Variants in FGF2 observed in about 807,000 individuals in gnomAD.
FGF2 encodes the protein fibroblast growth factor 2, also known as basic fibroblast growth factor bFGF.
In FGF2, 13 loss-of-function variants were observed where a neutral mutation model predicts 15.9. The observed-to-expected ratio is 0.82, with a 90% CI of 0.53 to 1.30. FGF2 has a LOEUF of 1.30. Among genes scored for constraint, FGF2 ranks in the 50% most tolerant of loss-of-function variants. The probability of loss-of-function intolerance (pLI) is 0.00; values close to 1 mark genes in which losing one functional copy is unlikely to be tolerated. For synonymous variants in FGF2, 90 were observed against 78.4 expected (o/e 1.15, Z -0.78); for missense variants, 163 against 196.9 (o/e 0.83, Z 1.03).
rs1724358272 is a variant in FGF2, at chr4:122,828,249, C to A, written c.178+897C>A. 2.0e-5 allele frequency among the ~76,000 whole-genome samples: 3 copies of A among 152,146 alleles called. No individual in the cohort carries two copies. The South Asian group carries it at 6.2e-4, about 32-fold the overall frequency. ...GGGGGCTGAAGATTTGCATTTCTAACATGTTCCCCGGGGATGCTGATCACA... is the reference window on the plus strand; with the variant it reads ...GGGGGCTGAAGATTTGCATTTCTAAAATGTTCCCCGGGGATGCTGATCACA... On this transcript the variant is annotated intron_variant, in intron 1 of 2. Transcript: ENST00000644866.
intron 2 of FGF2, among the ~76,000 whole-genome samples, chr4:122,889,251 C>A (rs969811506): frequency 6.6e-6 from 1 of 152,040 alleles, no homozygotes; most frequent in Admixed American, 6.6e-5. Context: ...TAAGGGATTT[C>A]TCAGCTCTTA....
intron 1 of FGF2, among the ~76,000 whole-genome samples, chr4:122,841,144 G>C (rs1578453594): frequency 6.6e-6 from 1 of 152,222 alleles, no homozygotes; most frequent in Non-Finnish European, 1.5e-5. Flanking sequence ...TTTTCTTCAA[G>C]AGAGTCTAGA....
intron 1 of FGF2, among the ~76,000 whole-genome samples, chr4:122,849,223 C>T (rs963895822): frequency 6.6e-6 from 1 of 152,104 alleles, no homozygotes; most frequent in African/African-American, 2.4e-5. Context: ...CAATGATAGA[C>T]TAGATAAAGA....
chr4:122,864,960 C>T (rs1040408412), intron 1 of FGF2, among the ~76,000 whole-genome samples: 1 of 152,152 alleles, frequency 6.6e-6, no homozygotes, highest in Non-Finnish European at 1.5e-5. Context: ...TTAAATATCA[C>T]AATGCATGTG....
chr4:122,844,214 A>T (rs994946419), intron 1 of FGF2, among the ~76,000 whole-genome samples: 61 of 152,344 alleles, frequency 4.0e-4, no homozygotes, highest in African/African-American at 1.4e-3. Flanking sequence ...TGTAGATTCT[A>T]TCTCAAGAAA....
intron 1 of FGF2, among the ~76,000 whole-genome samples, chr4:122,844,383 A>AC (rs1002736865): frequency 6.6e-6 from 1 of 151,890 alleles, no homozygotes; most frequent in Non-Finnish European, 1.5e-5. Flanking sequence ...GAAGGTTTGA[A>AC]CCCCCTCAAA....
At position 122,827,011 on chromosome 4, in the gene FGF2, T is replaced by G; in HGVS notation, c.-164T>G. The G allele has an allele frequency of 8.3e-7, 1 of 1,209,936 alleles. No individual in the cohort carries two copies. The highest frequency in any genetic ancestry group is 1.0e-6 in the Non-Finnish European group (1 of 976,192). 75.0% of individuals were successfully genotyped at this position (1,209,936 alleles called of 1,614,324 possible). The stretch of plus-strand genomic sequence containing the variant: ...GAAGAGCGGCCGAGCGGCTCGAGGC[T>G]GGGGGACCGCGGGCGCGGCCGCGCG... On this transcript the variant is annotated 5_prime_UTR_variant, in exon 1 of 3. Coordinates refer to ENST00000644866, the MANE Select transcript of FGF2 (RefSeq NM_001361665.2). This position sits in a 1 kb window ranked among gnomAD's most constrained non-coding sequence, Gnocchi z 4.2.
intron 1 of FGF2, among the ~76,000 whole-genome samples, chr4:122,854,363 G>T (rs1726295111): frequency 6.6e-6 from 1 of 152,170 alleles, no homozygotes. Context: ...GATTGTGTAA[G>T]GAAATGGTAA....
At chr4:122,840,231 G>C (rs932905605) in intron 1 of FGF2, 1 of 152,182 alleles carries the variant, frequency 6.6e-6, no homozygotes, top group African/African-American at 2.4e-5. Context: ...TTCTTTGCCA[G>C]AGTGAGTTAA....
chr4:122,868,961 G>C (rs973226725), intron 1 of FGF2, among the ~76,000 whole-genome samples: 2 of 151,974 alleles, frequency 1.3e-5, no homozygotes, highest in Admixed American at 6.6e-5. Context: ...TTTTTGATGA[G>C]GTTGTTTTTT....
intron 1 of FGF2, among the ~76,000 whole-genome samples, chr4:122,859,707 C>T (rs370645382): frequency 3.9e-5 from 6 of 152,092 alleles, no homozygotes; most frequent in African/African-American, 1.2e-4. Context: ...TCCCATCGTA[C>T]AGGTGAGAAG....
chr4:122,851,102 G>A (rs1726222894), intron 1 of FGF2, among the ~76,000 whole-genome samples: 1 of 152,090 alleles, frequency 6.6e-6, no homozygotes, highest in African/African-American at 2.4e-5. Flanking sequence ...CACAATTTTA[G>A]TATTATTTCA....
At chr4:122,869,436 A>G (rs1310910003) in intron 1 of FGF2, among the ~76,000 whole-genome samples, 1 of 152,148 alleles carries the variant, frequency 6.6e-6, no homozygotes, top group Non-Finnish European at 1.5e-5. Flanking sequence ...CAGTATGTCC[A>G]TTTTCACGAT....
At chr4:122,858,579 A>G (rs1001388265) in intron 1 of FGF2, among the ~76,000 whole-genome samples, 10 of 151,838 alleles carry the variant, frequency 6.6e-5, no homozygotes, top group African/African-American at 1.7e-4. Context: ...TTGTATTTTA[A>G]TAGAGATGGG....
intron 1 of FGF2, among the ~76,000 whole-genome samples, chr4:122,837,011 G>A (rs996826360): frequency 6.6e-6 from 1 of 152,182 alleles, no homozygotes; most frequent in Admixed American, 6.5e-5. Flanking sequence ...CCTTACGTCA[G>A]TGTGTCTCTC....
chr4:122,891,230 C>T (rs1346353239), intron 2 of FGF2, among the ~76,000 whole-genome samples: 3 of 151,338 alleles, frequency 2.0e-5, no homozygotes, highest in Non-Finnish European at 4.4e-5. Flanking sequence ...TTAGTAGAAA[C>T]GGGGTTTCAC....
chr4:122,894,663 ATTT>A lies in FGF2; in HGVS notation c.*2268_*2270del, dbSNP rs1727296169. The A allele has an allele frequency of 6.6e-6, 1 of 152,238 alleles. No homozygotes were observed. Among genetic ancestry groups the A allele is most frequent in the African/African-American group, 2.4e-5 (1 of 41,462 alleles). The allele number at this position is 152,238 out of a possible 1,614,324, so 9.4% of individuals were successfully genotyped here. A position where few individuals can be genotyped will look rare whatever the true frequency, so the allele number is the denominator to read the frequency against. Reference sequence around the variant, plus strand: ...CAATACATTTGTTATTAAATTTATTATTTAAGATGGTAGCACTAGTCTTAAATT... The same window carrying A: ...CAATACATTTGTTATTAAATTTATTAAAGATGGTAGCACTAGTCTTAAATT... On this transcript the variant is annotated 3_prime_UTR_variant, in exon 3 of 3. Coordinates refer to ENST00000644866, the MANE Select transcript of FGF2 (RefSeq NM_001361665.2).
At chr4:122,872,561 G>A (rs910727180) in intron 1 of FGF2, among the ~76,000 whole-genome samples, 1 of 151,634 alleles carries the variant, frequency 6.6e-6, no homozygotes, top group Non-Finnish European at 1.5e-5. Context: ...TCAACCCCAA[G>A]ACACATAATC....
intron 1 of FGF2, among the ~76,000 whole-genome samples, chr4:122,831,225 C>G (rs905462862): frequency 5.3e-5 from 8 of 152,178 alleles, no homozygotes; most frequent in Admixed American, 2.6e-4. Context: ...CTTGCCTTCT[C>G]TTCCTGCCAT....
Sources: gnomAD v4.1 joint callset for allele counts (sites outside exome capture counted in the v4.1 genomes callset) on GRCh38, gnomAD v4.1.1 for gene constraint, Gnocchi (gnomAD v3.1) non-coding constraint, MANE v1.5 for transcripts, NCBI Gene and HGNC (gene_info 2026-07-23, HGNC 2026-07-21) for gene names.